Variants in ZIC4 observed in about 807,000 individuals in gnomAD.
The protein encoded by ZIC4 is zinc finger protein ZIC 4.
A neutral mutation model predicts 28.8 loss-of-function variants in ZIC4; 15 were observed. That is an observed-to-expected ratio of 0.52 (90% confidence interval 0.35 to 0.80). ZIC4 has a LOEUF of 0.80. ZIC4 is among the 30% of genes least tolerant of loss of function. ZIC4 has a pLI of 0.01. For missense variants in ZIC4, 512 were observed against 467.1 expected (o/e 1.10, Z -0.89); for synonymous variants, 220 against 198.1 (o/e 1.11, Z -0.93).
rs17509456 is a variant in ZIC4 at position 147,390,969 on chromosome 3, C to A, written c.966G>T (p.Ser322=). 6.9e-5 allele frequency: 112 copies of A among 1,611,986 alleles called. No individual in the cohort carries two copies. The highest frequency in any genetic ancestry group is 1.7e-4 in the Middle Eastern group (1 of 6,032). The change falls in exon 4 of 5, where the codon TCG becomes TCT. Residue 322 remains serine, a synonymous_variant. Transcript: ENST00000383075. ...DCGHKSQVAS[S]AAVAARTADL... The stretch of plus-strand genomic sequence containing the variant: ...CGGCGGTACGCGCCGCCACCGCCGC[C>A]GAGGAGGCCACCTGGGACTTGTGGC...
Position 147,396,388 on chromosome 3 carries a change from G to A in ZIC4, c.152C>T (p.Pro51Leu), listed in dbSNP as rs958291864. Residue 51 changes from proline (P) to leucine (L), a missense_variant, in exon 3 of 5, where the codon CCC becomes CTC. By Grantham distance (98) the Pro-to-Leu change is moderately conservative (BLOSUM62 -3). This residue lies in a region of ZIC4 where 310 missense variants were observed against 256.5 expected (regional missense o/e 1.21). Transcript: ENST00000383075. The surrounding 1 kb of genome is among the most constrained non-coding windows in gnomAD (Gnocchi z 4.2). ...SVFPGLHEEPPQASPSRPLNG... is the reference protein window; with the variant it reads ...SVFPGLHEEPLQASPSRPLNG... ...CAAAGGACGGCTGGGGGAGGCCTGGGGAGGCTCCTCGTGGAGGCCCGGGAA... is the reference window on the plus strand; with the variant it reads ...CAAAGGACGGCTGGGGGAGGCCTGGAGAGGCTCCTCGTGGAGGCCCGGGAA... The A allele has an allele frequency of 7.2e-6, 11 of 1,530,848 alleles. No homozygotes were observed. In the African/African-American group the frequency reaches 9.7e-5, roughly 14 times the overall value. 94.8% of individuals were successfully genotyped at this position (1,530,848 alleles called of 1,614,324 possible).
chr3:147,405,302 A>G, intron 1 of ZIC4: 1 of 1,400,940 alleles, frequency 7.1e-7, no homozygotes. Context: ...GAGACAGGAG[A>G]AAAAAGAGCA....
chr3:147,405,764 G>A (rs1473864996), intron 1 of ZIC4: 3 of 476,880 alleles, frequency 6.3e-6, no homozygotes, highest in Non-Finnish European at 1.1e-5. Flanking sequence ...CCGCCCTGAG[G>A]TGGACTCAGG....
chr3:147,403,323 G>C (rs1464087989), intron 1 of ZIC4, among the ~76,000 whole-genome samples: 3 of 152,150 alleles, frequency 2.0e-5, no homozygotes, highest in African/African-American at 7.2e-5. Context: ...TCTGCCTGTG[G>C]TGGTGCAGAA....
At chr3:147,398,879 T>TA (rs1204370140) in intron 2 of ZIC4, among the ~76,000 whole-genome samples, 17 of 152,110 alleles carry the variant, frequency 1.1e-4, no homozygotes, top group South Asian at 4.2e-4. Context: ...AATAAGGCCT[T>TA]AAAAAATTTT....
chr3:147,398,317 TAC>T (rs771923103), intron 2 of ZIC4, among the ~76,000 whole-genome samples: 1 of 152,196 alleles, frequency 6.6e-6, no homozygotes, highest in Non-Finnish European at 1.5e-5. Context: ...TGCTTCCTCC[TAC>T]CTCGTCTTAG....
chr3:147,403,864 C>T (rs1022407186), intron 1 of ZIC4: 16 of 1,192,356 alleles, frequency 1.3e-5, no homozygotes, highest in South Asian at 1.6e-5. Flanking sequence ...CTCTCTCCCC[C>T]TCAACGTCCA....
intron 1 of ZIC4, among the ~76,000 whole-genome samples, chr3:147,404,528 C>G (rs927249588): frequency 2.0e-5 from 3 of 152,186 alleles, no homozygotes; most frequent in African/African-American, 7.2e-5. Flanking sequence ...TCCTGGGGCC[C>G]GTGGACCTGA....
chr3:147,398,297 A>G (rs3852000), intron 2 of ZIC4, among the ~76,000 whole-genome samples: 55,753 of 151,990 alleles, frequency 0.37, 10,346 homozygotes, highest in East Asian at 0.48. Flanking sequence ...CCTGCGGTCC[A>G]AGCCTTCTCT....
At chr3:147,403,973 G>A in intron 1 of ZIC4, 2 of 1,536,814 alleles carry the variant, frequency 1.3e-6, no homozygotes, top group Non-Finnish European at 1.7e-6. Flanking sequence ...CCTTTTCCCA[G>A]AGGGTATTAT....
chr3:147,388,586 G>T lies in ZIC4; in HGVS notation c.*273C>A. The T allele has an allele frequency of 2.4e-6, 1 of 411,476 alleles. No homozygotes were observed. Among genetic ancestry groups the T allele is most frequent in the Non-Finnish European group, 4.3e-6 (1 of 233,388 alleles). 25.5% of individuals were successfully genotyped at this position (411,476 alleles called of 1,614,324 possible). On this transcript the variant is annotated 3_prime_UTR_variant, in exon 5 of 5. Coordinates refer to ENST00000383075, the MANE Select transcript of ZIC4 (RefSeq NM_032153.6). Reference sequence around the variant, plus strand: ...ATTAAATGAAAATGATTTAGTCCGCGTCAAACAAAAATATATACTTGTATA... The same window carrying T: ...ATTAAATGAAAATGATTTAGTCCGCTTCAAACAAAAATATATACTTGTATA...
intron 2 of ZIC4, among the ~76,000 whole-genome samples, chr3:147,400,605 C>T (rs1204301116): frequency 6.6e-6 from 1 of 152,168 alleles, no homozygotes; most frequent in Non-Finnish European, 1.5e-5. Flanking sequence ...AGCAATGGGA[C>T]CAGACATTCT....
chr3:147,394,263 C>T (rs945927370), intron 3 of ZIC4, among the ~76,000 whole-genome samples: 11 of 149,970 alleles, frequency 7.3e-5, no homozygotes, highest in African/African-American at 2.2e-4. Flanking sequence ...TTTGTTGTTT[C>T]CCCCACCCCC....
chr3:147,397,573 T>G (rs776143483), intron 2 of ZIC4, among the ~76,000 whole-genome samples: 1 of 151,986 alleles, frequency 6.6e-6, no homozygotes, highest in Non-Finnish European at 1.5e-5. Flanking sequence ...GGCTGGGTTA[T>G]GCCACCATTC....
intron 1 of ZIC4, chr3:147,405,670 C>T: frequency 1.6e-6 from 1 of 642,016 alleles, no homozygotes; most frequent in East Asian, 2.8e-5. Context: ...AGCCAAGTCC[C>T]GAACCCACTG....
Position 147,396,123 on chromosome 3 carries a change from C to T in ZIC4, c.417G>A (p.Ala139=). 1 of 1,613,968 alleles carries T rather than the reference C, an allele frequency of 6.2e-7. No homozygotes were observed. The change falls in exon 3 of 5, where the codon GCG becomes GCA. Residue 139 remains alanine (A), a synonymous_variant. Coordinates refer to ENST00000383075, the MANE Select transcript of ZIC4 (RefSeq NM_032153.6). The surrounding 1 kb of genome is among the most constrained non-coding windows in gnomAD (Gnocchi z 4.2). The part of the protein sequence containing the change: ...ICKWLAADGT[A]TPSLCSKTFS... ...AAGTTTTGGAGCAGAGGCTCGGGGT[C>T]GCGGTGCCGTCGGCCGCCAGCCACT...
intron 1 of ZIC4, chr3:147,404,389 T>A: frequency 1.1e-6 from 1 of 921,212 alleles, no homozygotes; most frequent in Non-Finnish European, 1.4e-6. Context: ...GGAGGCTCTC[T>A]GTAGCGTTTC....
At chr3:147,406,285 G>A (rs2087274973) in intron 1 of ZIC4, 78 bp downstream of exon 1, 1 of 152,546 alleles carries the variant, frequency 6.6e-6, no homozygotes, top group Non-Finnish European at 1.5e-5. Context: ...GGTGCCAGTG[G>A]TCCCCTTGAG....
At position 147,388,372 on chromosome 3, in the gene ZIC4, C is replaced by T. The variant is rs1056613160; in HGVS notation, c.*487G>A. ...AGACCTTTCTCCTTTTCTTTCCCCT[C>T]TTACAAACCATTTCCTCGCCTTTAG... is the stretch of plus-strand genomic sequence containing the variant. On this transcript the variant is annotated 3_prime_UTR_variant, in exon 5 of 5. Transcript: ENST00000383075. 1.3e-5 allele frequency: 2 copies of T among 159,686 alleles called. No homozygotes were observed. Among genetic ancestry groups the T allele is most frequent in the African/African-American group, 4.8e-5 (2 of 41,690 alleles). 9.9% of individuals were successfully genotyped at this position (159,686 alleles called of 1,614,324 possible). A position where few individuals can be genotyped will look rare whatever the true frequency, so the allele number is the denominator to read the frequency against.
Sources: allele counts gnomAD v4.1 joint callset (sites outside exome capture counted in the v4.1 genomes callset), GRCh38; gene constraint gnomAD v4.1.1; regional missense constraint gnomAD v4.1.1; non-coding constraint Gnocchi (gnomAD v3.1); transcripts MANE v1.5; gene names NCBI Gene and HGNC (gene_info 2026-07-23, HGNC 2026-07-21).